The following PTPRK variants were observed in gnomAD, a reference collection of about 807,000 sequenced individuals.
The protein encoded by PTPRK is receptor-type tyrosine-protein phosphatase kappa.
PTPRK carries 75 observed loss-of-function variants against 178.0 expected under a neutral mutation model. The ratio of observed to expected loss-of-function variants is 0.42; its 90% CI spans 0.35 to 0.51. The LOEUF is 0.51. Among genes scored for constraint, PTPRK ranks in the 20% least tolerant of loss-of-function variants. The pLI is 0.02. For synonymous variants in PTPRK, 637 were observed against 620.6 expected, an observed-to-expected ratio of 1.03 and a Z score of -0.39; for missense variants, 1,441 against 1,797.8, an observed-to-expected ratio of 0.80 and a Z score of 3.59.
At chr6:128,193,031 G>C (rs1804119378) in intron 6 of PTPRK, among the ~76,000 whole-genome samples, 1 of 151,882 alleles carries the variant, frequency 6.6e-6, no homozygotes, top group African/African-American at 2.4e-5. Context: ...ATCGACACTT[G>C]GAGAACACAA....
chr6:128,322,283 T>A lies in PTPRK; in HGVS notation c.251A>T (p.Asp84Val). 6.3e-7 allele frequency: 1 copy of A among 1,596,970 alleles called. No homozygotes were observed. Among genetic ancestry groups the A allele is most frequent in the African/African-American group, 1.3e-5 (1 of 74,576 alleles). ...QGSYMIVDSS[D>V]HDPGEKARLQ... The stretch of plus-strand genomic sequence containing the variant: ...TCTGGCTTTTTCTCCAGGGTCGTGA[T>A]CTGAAGAGTCCACTATCATATAGGA... Residue 84 changes from aspartate (D) to valine (V), a missense_variant, in exon 3 of 30, where the codon GAT (aspartate) becomes GTT (valine). By Grantham distance (152) the Asp-to-Val change is radical (BLOSUM62 -3). Transcript: ENST00000368226.
chr6:128,337,806 G>A (rs1397535053), intron 2 of PTPRK, among the ~76,000 whole-genome samples: 3 of 152,160 alleles, frequency 2.0e-5, no homozygotes, highest in Non-Finnish European at 2.9e-5. Context: ...ACCTCATCAG[G>A]AAGGTGAGAA....
intron 7 of PTPRK, among the ~76,000 whole-genome samples, chr6:128,174,881 T>C (rs1800834555): frequency 6.7e-6 from 1 of 149,788 alleles, no homozygotes; most frequent in Non-Finnish European, 1.5e-5. Context: ...CTTATTGGTT[T>C]AATTATTAAC....
At chr6:128,146,763 C>T (rs1267512662) in intron 7 of PTPRK, among the ~76,000 whole-genome samples, 1 of 151,978 alleles carries the variant, frequency 6.6e-6, no homozygotes, top group African/African-American at 2.4e-5. Flanking sequence ...TATATATATA[C>T]ATACCAATTT....
chr6:128,219,049 A>G lies in PTPRK; in HGVS notation c.741T>C (p.Asn247=). The change falls in exon 6 of 30, where the codon AAT becomes AAC. Residue 247 remains asparagine, a synonymous_variant. Coordinates refer to ENST00000368226, the MANE Select transcript of PTPRK (RefSeq NM_002844.4). ...TGAAGGAAGCGGCAAACCTTCTATG[A>G]TTGATGTTCTTAGTCTGGGCTACTG... is the stretch of plus-strand genomic sequence containing the variant. ...DIPVAQTKNI[N]HRRFAASFRL... 3 of 1,613,958 alleles carry G rather than the reference A, an allele frequency of 1.9e-6. No individual in the cohort carries two copies. Among genetic ancestry groups the G allele is most frequent in the Non-Finnish European group, 2.5e-6 (3 of 1,179,878 alleles).
chr6:128,138,651 T>C (rs780356680), intron 7 of PTPRK, among the ~76,000 whole-genome samples: 1 of 152,130 alleles, frequency 6.6e-6, no homozygotes, highest in Non-Finnish European at 1.5e-5. Context: ...CTTGTCTTTA[T>C]TCCTATTTAA....
At chr6:128,297,278 A>G (rs1220492544) in intron 3 of PTPRK, among the ~76,000 whole-genome samples, 1 of 152,148 alleles carries the variant, frequency 6.6e-6, no homozygotes, top group East Asian at 1.9e-4. Context: ...TAATAATGGG[A>G]GACTTTAACA....
At chr6:128,015,225 A>C (rs142703075) in intron 13 of PTPRK, among the ~76,000 whole-genome samples, 1 of 151,896 alleles carries the variant, frequency 6.6e-6, no homozygotes, top group African/African-American at 2.4e-5. Context: ...AAAGCAATAA[A>C]ATAAGTATAT....
chr6:128,472,336 GTGTGTGCACA>G (rs1348419177), intron 1 of PTPRK, among the ~76,000 whole-genome samples: 3 of 151,852 alleles, frequency 2.0e-5, no homozygotes, highest in Admixed American at 2.0e-4. Flanking sequence ...CGGCAAGTGG[GTGTGTGCACA>G]TGTGTGTTGC....
intron 2 of PTPRK, among the ~76,000 whole-genome samples, chr6:128,345,515 A>C (rs1295088270): frequency 6.6e-6 from 1 of 152,250 alleles, no homozygotes; most frequent in Non-Finnish European, 1.5e-5. Context: ...ATTGTACTAA[A>C]GACGGGGTCA....
At chr6:128,288,891 C>T (rs1289167627) in intron 3 of PTPRK, among the ~76,000 whole-genome samples, 1 of 152,044 alleles carries the variant, frequency 6.6e-6, no homozygotes, top group African/African-American at 2.4e-5. Flanking sequence ...GAAATACCTT[C>T]TCTTGGTATA....
chr6:128,362,134 G>A (rs141846272), intron 2 of PTPRK, among the ~76,000 whole-genome samples: 28 of 152,302 alleles, frequency 1.8e-4, no homozygotes, highest in African/African-American at 6.7e-4. Flanking sequence ...CCGGAAGCAT[G>A]GTGCTGAGCA....
chr6:128,211,589 T>C (rs1220693214), intron 6 of PTPRK, among the ~76,000 whole-genome samples: 1 of 152,150 alleles, frequency 6.6e-6, no homozygotes, highest in Non-Finnish European at 1.5e-5. Flanking sequence ...TTTTATGCAT[T>C]TTTTTGTTTT....
intron 13 of PTPRK, among the ~76,000 whole-genome samples, chr6:128,043,890 A>C (rs1003606402): frequency 1.3e-4 from 19 of 151,936 alleles, no homozygotes. Flanking sequence ...TATATGACAC[A>C]TTTGTGTATT....
chr6:128,370,178 G>A (rs1204442397), intron 2 of PTPRK, among the ~76,000 whole-genome samples: 2 of 152,030 alleles, frequency 1.3e-5, no homozygotes, highest in East Asian at 1.9e-4. Context: ...GTGGTTCGAC[G>A]ATAATAGCTT....
chr6:128,130,667 A>G lies in PTPRK; in HGVS notation c.1163-40675T>C, dbSNP rs192917835. ...GTGAGCCTTGAAAATGTTTTATTGT[A>G]ACTCTCCAAGGCATATTTTGAAAAT... is the stretch of plus-strand genomic sequence containing the variant. On this transcript the variant is annotated intron_variant, in intron 7 of 29. Coordinates refer to ENST00000368226, the MANE Select transcript of PTPRK (RefSeq NM_002844.4). Among the ~76,000 whole-genome samples the G allele has an allele frequency of 1.7e-3, 262 of 152,282 alleles. 1 individual carries two copies. The highest frequency in any genetic ancestry group is 6.0e-3 in the African/African-American group (250 of 41,568).
chr6:128,042,435 A>G (rs528647564), intron 13 of PTPRK, among the ~76,000 whole-genome samples: 2 of 152,036 alleles, frequency 1.3e-5, no homozygotes, highest in African/African-American at 4.8e-5. Context: ...CAAGGGAGAT[A>G]ATCTGTTTTC....
chr6:128,501,391 TCACACACA>T (rs67621491), intron 1 of PTPRK, among the ~76,000 whole-genome samples: 1 of 145,592 alleles, frequency 6.9e-6, no homozygotes, highest in Non-Finnish European at 1.5e-5. Context: ...TAAACTCAAA[TCACACACA>T]CACACACACA....
rs564806342 is a variant in PTPRK at position 127,976,658 on chromosome 6, C to G, written c.3968G>C (p.Arg1323Thr). The change falls in exon 27 of 30, where the codon AGA becomes ACA. Residue 1323 changes from arginine to threonine, a missense_variant and splice_region_variant. Physicochemically the swap from Arg to Thr is moderately conservative, Grantham distance 71. Around this residue, in one of 4 missense-constraint regions of PTPRK, gnomAD observed 335 missense variants for 512.4 expected, o/e 0.65. Coordinates refer to ENST00000368226, the MANE Select transcript of PTPRK (RefSeq NM_002844.4). ...NRIFRICNLT[R>T]PQEGYLMVQQ... is the part of the protein sequence containing the mutation. ...TCAAAGGATCCGATAGTGACTTACT[C>G]TTGTTAGATTGCATATCCTAAAAAT... 8.1e-6 allele frequency: 13 copies of G among 1,614,026 alleles called. No individual in the cohort carries two copies. Among genetic ancestry groups the G allele is most frequent in the Non-Finnish European group, 1.1e-5 (13 of 1,179,964 alleles).
Sources: allele counts gnomAD v4.1 joint callset (sites outside exome capture counted in the v4.1 genomes callset), GRCh38; gene constraint gnomAD v4.1.1; regional missense constraint gnomAD v4.1.1; transcripts MANE v1.5; gene names NCBI Gene and HGNC (gene_info 2026-07-23, HGNC 2026-07-21).